Variants in OLAH observed in about 807,000 individuals in gnomAD.
OLAH encodes oleoyl-ACP hydrolase.
In OLAH, 33 loss-of-function variants were observed where a neutral mutation model predicts 27.8. The ratio of observed to expected loss-of-function variants is 1.19; its 90% CI spans 0.90 to 1.59. The LOEUF (loss-of-function observed/expected upper bound fraction) is 1.59. Ranked by LOEUF, OLAH falls within the 40% of genes most tolerant of loss-of-function variation. The pLI is 0.00. For synonymous variants in OLAH, 120 were observed against 102.9 expected, an observed-to-expected ratio of 1.17 and a Z score of -1.01; for missense variants, 359 against 310.8, an observed-to-expected ratio of 1.16 and a Z score of -1.17.
At chr10:15,064,721 G>A (rs560043754) in intron 5 of OLAH, among the ~76,000 whole-genome samples, 1 of 152,158 alleles carries the variant, frequency 6.6e-6, no homozygotes, top group South Asian at 2.1e-4. Context: ...GCAGTGGCAC[G>A]ATCTTGTCTC....
chr10:15,050,373 C>T (rs539689454), intron 3 of OLAH, among the ~76,000 whole-genome samples: 195 of 151,632 alleles, frequency 1.3e-3, no homozygotes, highest in Non-Finnish European at 2.3e-3. Context: ...GTTCAGGTGA[C>T]GCTTGTGCCT....
intron 4 of OLAH, among the ~76,000 whole-genome samples, chr10:15,062,741 CTTT>C (rs773373248): frequency 2.1e-5 from 3 of 140,122 alleles, no homozygotes; most frequent in Non-Finnish European, 3.1e-5. Flanking sequence ...AGTGAACATT[CTTT>C]TTTTTTTTTT....
At chr10:15,066,605 T>TTTTTTTTA (rs1844472344) in intron 6 of OLAH, among the ~76,000 whole-genome samples, 1 of 144,874 alleles carries the variant, frequency 6.9e-6, no homozygotes, top group Admixed American at 7.0e-5. Flanking sequence ...CCTATTTTTA[T>TTTTTTTTA]TTTATTTATT....
In OLAH at chr10:15,073,387, A is replaced by C. The variant is rs568537287; in HGVS notation, c.*158A>C. On this transcript the variant is annotated 3_prime_UTR_variant, in exon 8 of 8. Transcript: ENST00000378228. ...ATTTACGTATCTGGGGACAAAGGTC[A>C]AGCCAGTAAAGAATACTTCTGGCAG... 1.7e-6 allele frequency: 1 copy of C among 588,988 alleles called. No homozygotes were observed. The highest frequency in any genetic ancestry group is 2.9e-6 in the Non-Finnish European group (1 of 348,438). The allele number at this position is 588,988 out of a possible 1,614,324, so 36.5% of individuals were successfully genotyped here. A position where few individuals can be genotyped will look rare whatever the true frequency, so the allele number is the denominator to read the frequency against.
At chr10:15,035,119 A>G (rs910936925) in intron 1 of OLAH, among the ~76,000 whole-genome samples, 1 of 152,110 alleles carries the variant, frequency 6.6e-6, no homozygotes, top group Non-Finnish European at 1.5e-5. Context: ...TTGAACTCCC[A>G]GAAGTAGGAG....
At chr10:15,035,796 G>C (rs1843832898) in intron 1 of OLAH, among the ~76,000 whole-genome samples, 2 of 152,176 alleles carry the variant, frequency 1.3e-5, no homozygotes, top group Non-Finnish European at 2.9e-5. Flanking sequence ...TGGGCAAATG[G>C]TGTGCCATTT....
chr10:15,043,476 TC>T (rs1843957849), upstream of OLAH, among the ~76,000 whole-genome samples: 2 of 141,216 alleles, frequency 1.4e-5, no homozygotes, highest in Non-Finnish European at 3.1e-5. Flanking sequence ...ATTCTCTTCT[TC>T]TTTTTTTTTT....
At chr10:15,041,822 C>G (rs140198653), upstream of OLAH, among the ~76,000 whole-genome samples, 540 of 152,044 alleles carry the variant, frequency 3.6e-3, 1 homozygote, top group Non-Finnish European at 6.3e-3. Context: ...GTGGTCCAAC[C>G]CACCTCGGCC....
Position 15,056,865 on chromosome 10 carries a change from C to T in OLAH, c.164-4859C>T, listed in dbSNP as rs140879602. On this transcript the variant is annotated intron_variant, in intron 3 of 7. Coordinates refer to ENST00000378228, the MANE Select transcript of OLAH (RefSeq NM_001039702.3). The stretch of plus-strand genomic sequence containing the variant: ...TGTTGCCAAGGCTGGTCTCAAACTC[C>T]GGCGCTCAAGTGATCCTCCTGCTTC... 1.4e-3 allele frequency: 2,187 copies of T among 1,526,062 alleles called. 33 individuals carry two copies. Among genetic ancestry groups the T allele is most frequent in the South Asian group, 0.014 (1,142 of 80,828 alleles). The allele number at this position is 1,526,062 out of a possible 1,614,324, so 94.5% of individuals were successfully genotyped here. A position where few individuals can be genotyped will look rare whatever the true frequency, so the allele number is the denominator to read the frequency against.
intron 1 of OLAH, among the ~76,000 whole-genome samples, chr10:15,033,005 T>A (rs117737250): frequency 2.3e-3 from 355 of 152,032 alleles, no homozygotes; most frequent in Non-Finnish European, 4.6e-3. Flanking sequence ...CCCAAGAAGC[T>A]GGGATTACAG....
chr10:15,057,489 G>A (rs1844270132), intron 3 of OLAH, among the ~76,000 whole-genome samples: 1 of 148,746 alleles, frequency 6.7e-6, no homozygotes, highest in Non-Finnish European at 1.5e-5. Flanking sequence ...GGGTTCAAGC[G>A]ATTCTCTTGC....
At chr10:15,046,492 G>C (rs1269582151) in intron 1 of OLAH, among the ~76,000 whole-genome samples, 5 of 151,462 alleles carry the variant, frequency 3.3e-5, no homozygotes, top group Non-Finnish European at 7.4e-5. Context: ...TTTTGAGATG[G>C]AGTCTCACTC....
chr10:15,068,421 T>C (rs563916704), intron 6 of OLAH, among the ~76,000 whole-genome samples: 1 of 152,262 alleles, frequency 6.6e-6, no homozygotes, highest in South Asian at 2.1e-4. Flanking sequence ...AGATGGAGCT[T>C]TGCTCTTATT....
At chr10:15,046,323 TATAAATAA>T (rs113256684) in intron 1 of OLAH, among the ~76,000 whole-genome samples, 49,882 of 149,000 alleles carry the variant, frequency 0.33, 8,384 homozygotes, top group East Asian at 0.44. Context: ...CTCAAAAAAA[TATAAATAA>T]ATAAATAAAT....
At position 15,047,184 on chromosome 10, in the gene OLAH, T is replaced by C. The variant is rs1371898692; in HGVS notation, c.-105T>C. 6.6e-6 allele frequency: 7 copies of C among 1,063,812 alleles called. 1 individual carries two copies. Among genetic ancestry groups the C allele is most frequent in the Non-Finnish European group, 9.6e-6 (7 of 728,588 alleles). The allele number at this position is 1,063,812 out of a possible 1,614,324, so 65.9% of individuals were successfully genotyped here. ...AAAAAGAAATCTACTCACTCTTCTG[T>C]GTGCATAAGGCCGAGCAGAGGTTCT... On this transcript the variant is annotated 5_prime_UTR_variant, in exon 2 of 8. Transcript: ENST00000378228.
chr10:15,035,812 T>G (rs1843833056), intron 1 of OLAH, among the ~76,000 whole-genome samples: 1 of 152,152 alleles, frequency 6.6e-6, no homozygotes, highest in African/African-American at 2.4e-5. Context: ...CATTTCCACC[T>G]TAGAAAAAGA....
chr10:15,034,036 A>T (rs567004745), intron 1 of OLAH, among the ~76,000 whole-genome samples: 1 of 152,028 alleles, frequency 6.6e-6, no homozygotes, highest in African/African-American at 2.4e-5. Flanking sequence ...CCAGGTGGAA[A>T]GGGAAACTAC....
intron 6 of OLAH, 172 bp from the exon 7 acceptor site, chr10:15,071,623 C>G: frequency 2.0e-6 from 2 of 983,682 alleles, no homozygotes; most frequent in South Asian, 9.4e-5. Flanking sequence ...CACACTGAGT[C>G]TCAGGCAGGC....
intron 3 of OLAH, chr10:15,056,781 C>G: frequency 7.1e-7 from 1 of 1,414,134 alleles, no homozygotes; most frequent in Non-Finnish European, 9.2e-7. Context: ...CAGGCATACA[C>G]CACTATGCTC....
Sources: allele counts gnomAD v4.1 joint callset (sites outside exome capture counted in the v4.1 genomes callset), GRCh38; gene constraint gnomAD v4.1.1; transcripts MANE v1.5; gene names NCBI Gene and HGNC (gene_info 2026-07-23, HGNC 2026-07-21).